The following VGLL4 variants were observed in gnomAD, a reference collection of about 807,000 sequenced individuals.
VGLL4 encodes vestigial like family member 4.
VGLL4 carries 7 observed loss-of-function variants against 21.0 expected under a neutral mutation model. The ratio of observed to expected loss-of-function variants is 0.33; its 90% CI spans 0.19 to 0.63. The LOEUF is 0.63. Among genes scored for constraint, VGLL4 ranks in the 20% least tolerant of loss-of-function variants. VGLL4 has a pLI of 0.78. For missense variants in VGLL4, 394 were observed against 425.7 expected (o/e 0.93, Z 0.66); for synonymous variants, 222 against 173.2 (o/e 1.28, Z -2.21).
chr3:11,689,892 C>A (rs1156386768), intron 2 of VGLL4, among the ~76,000 whole-genome samples: 1 of 152,172 alleles, frequency 6.6e-6, no homozygotes, highest in African/African-American at 2.4e-5. Flanking sequence ...CCTCCAGTGG[C>A]GAAGGACGTT....
chr3:11,602,948 T>C (rs913679261), intron 1 of VGLL4, among the ~76,000 whole-genome samples: 3 of 152,246 alleles, frequency 2.0e-5, no homozygotes, highest in Admixed American at 2.0e-4. Context: ...TCACAAATAA[T>C]AACCCTTTTG....
At chr3:11,573,349 AAGAAAGAAAGAAAGAAAGAAAGAAAG>A (rs2073923240) in intron 2 of VGLL4, among the ~76,000 whole-genome samples, 3 of 100,682 alleles carry the variant, frequency 3.0e-5, no homozygotes. Context: ...GAAAGAAAGA[AAGAAAGAAAGAAAGAAAGAAAGAAAG>A]AAAGAAAGAA....
At position 11,564,986 on chromosome 3, in the gene VGLL4, G is replaced by T. The variant is rs140884716; in HGVS notation, c.306C>A (p.Asp102Glu). Residue 102 changes from aspartate to glutamate, a missense_variant, in exon 3 of 5, where the codon GAC becomes GAA. By Grantham distance (45) the Asp-to-Glu change is conservative. Transcript: ENST00000430365. ...TGGGGCTGCGGCTCCGCTCCCGGGG[G>T]TCTCTGCGGCAGTCTCCATTGGCAG... ...NKTANGDCRR[D>E]PRERSRSPIE... is the part of the protein sequence containing the mutation. 3 of 1,526,908 alleles carry T rather than the reference G, an allele frequency of 2.0e-6. No individual in the cohort carries two copies. The highest frequency in any genetic ancestry group is 1.4e-5 in the African/African-American group (1 of 70,960). 94.6% of individuals were successfully genotyped at this position (1,526,908 alleles called of 1,614,324 possible). A position where few individuals can be genotyped will look rare whatever the true frequency, so the allele number is the denominator to read the frequency against.
chr3:11,684,217 A>C, intron 2 of VGLL4, among the ~76,000 whole-genome samples: 1 of 152,168 alleles, frequency 6.6e-6, no homozygotes, highest in South Asian at 2.1e-4. Context: ...ACAAAGAAAA[A>C]GGAAGGACTT....
In VGLL4 at chr3:11,568,537, A is replaced by G; in HGVS notation, c.273-3518T>C. 6.5e-7 allele frequency: 1 copy of G among 1,546,904 alleles called. No individual in the cohort carries two copies. The highest frequency in any genetic ancestry group is 8.8e-7 in the Non-Finnish European group (1 of 1,142,590). On this transcript the variant is annotated intron_variant, in intron 2 of 4. Transcript: ENST00000430365. The surrounding 1 kb of genome is among the most constrained non-coding windows in gnomAD (Gnocchi z 5.9). The stretch of plus-strand genomic sequence containing the variant: ...TGGGCACTATGGGTCAGACAAAGAC[A>G]CTGAAAACAGCGAGAAAAGGCCTGG...
chr3:11,578,317 T>C (rs542711138), intron 2 of VGLL4, among the ~76,000 whole-genome samples: 1 of 152,274 alleles, frequency 6.6e-6, no homozygotes, highest in South Asian at 2.1e-4. Flanking sequence ...TGCAGGCATA[T>C]GAGAGACAAA....
chr3:11,698,390 T>A (rs2076633659), intron 2 of VGLL4, among the ~76,000 whole-genome samples: 1 of 151,312 alleles, frequency 6.6e-6, no homozygotes, highest in African/African-American at 2.4e-5. Context: ...ACGCCTGTAG[T>A]CCCAGTTACT....
In VGLL4 at chr3:11,565,292, T is replaced by C. The variant is rs531609612; in HGVS notation, c.273-273A>G. On this transcript the variant is annotated intron_variant, in intron 2 of 4. Coordinates refer to ENST00000430365, the MANE Select transcript of VGLL4 (RefSeq NM_001128219.3). This position sits in a 1 kb window ranked among gnomAD's most constrained non-coding sequence, Gnocchi z 4.1. ...GTGGCGTCCTCTGCCTGACTCTGTG[T>C]TCACTTCTATAATAATCTCCACTCC... is the stretch of plus-strand genomic sequence containing the variant. Among the ~76,000 whole-genome samples the C allele has an allele frequency of 1.3e-5, 2 of 152,098 alleles. No homozygotes were observed. The highest frequency in any genetic ancestry group is 4.1e-4 in the South Asian group (2 of 4,820).
chr3:11,565,751 C>G lies in VGLL4; in HGVS notation c.273-732G>C, dbSNP rs757046040. Among the ~76,000 whole-genome samples, 3 of 152,192 alleles carry G rather than the reference C, an allele frequency of 2.0e-5. No homozygotes were observed. Among genetic ancestry groups the G allele is most frequent in the Non-Finnish European group, 4.4e-5 (3 of 68,032 alleles). On this transcript the variant is annotated intron_variant, in intron 2 of 4. Coordinates refer to ENST00000430365, the MANE Select transcript of VGLL4 (RefSeq NM_001128219.3). This position sits in a 1 kb window ranked among gnomAD's most constrained non-coding sequence, Gnocchi z 4.1. ...GCACCCAGGCGATGCCACGTGGAAT[C>G]CAGGTGAGACAGTCAGCACCACCTC... is the stretch of plus-strand genomic sequence containing the variant.
rs534437082 is a variant in VGLL4 at position 11,710,110 on chromosome 3, C to T, written c.-13-7063G>A. 2.0e-5 allele frequency among the ~76,000 whole-genome samples: 3 copies of T among 152,246 alleles called. 1 individual carries two copies. The highest frequency in any genetic ancestry group is 6.5e-5 in the Admixed American group (1 of 15,284). ...CAACAACCAGATCTCCCATGAACTA[C>T]CAGAGAACTCACGCATCACCAAGGG... On this transcript the variant is annotated intron_variant, in intron 1 of 5. Transcript: ENST00000273038.
At chr3:11,610,914 G>A (rs554208932) in intron 1 of VGLL4, among the ~76,000 whole-genome samples, 15 of 152,284 alleles carry the variant, frequency 9.9e-5, no homozygotes, top group South Asian at 6.2e-4. Flanking sequence ...TGAGGGAGGC[G>A]GGGAAGAAGA....
At chr3:11,588,197 G>C (rs1467506495) in intron 2 of VGLL4, among the ~76,000 whole-genome samples, 1 of 152,230 alleles carries the variant, frequency 6.6e-6, no homozygotes. Context: ...CACCTGGTTG[G>C]TGTCAGGCAC....
Position 11,601,930 on chromosome 3 carries a change from G to T in VGLL4, c.175C>A (p.Pro59Thr), listed in dbSNP as rs763090675. 41 of 1,613,524 alleles carry T rather than the reference G, an allele frequency of 2.5e-5. No homozygotes were observed. The highest frequency in any genetic ancestry group is 3.4e-5 in the Non-Finnish European group (40 of 1,179,832). ...SHRTGPPPIS[P>T]SKRKFSMEPG... is the part of the protein sequence containing the mutation. The stretch of plus-strand genomic sequence containing the variant: ...TCCATGCTGAACTTCCTCTTGCTGG[G>T]GCTGATTGGGGGAGGGCCGGTGCGG... Residue 59 changes from proline to threonine, a missense_variant, in exon 2 of 5, where the codon CCC becomes ACC. Transcript: ENST00000430365.
rs115576140 is a variant in VGLL4 at position 11,603,125 on chromosome 3, G to A, written c.83-1103C>T. On this transcript the variant is annotated intron_variant, in intron 1 of 4. Coordinates refer to ENST00000430365, the MANE Select transcript of VGLL4 (RefSeq NM_001128219.3). ...ATTTTCATATCATCACAGATGTGTG[G>A]ACAGTGTTAACAGTCATTTACTTCA... 1.6e-3 allele frequency among the ~76,000 whole-genome samples: 245 copies of A among 152,284 alleles called. 1 individual carries two copies. Among genetic ancestry groups the A allele is most frequent in the African/African-American group, 5.3e-3 (222 of 41,540 alleles).
At chr3:11,598,548 G>A (rs1486843726) in intron 2 of VGLL4, among the ~76,000 whole-genome samples, 1 of 151,884 alleles carries the variant, frequency 6.6e-6, no homozygotes, top group Non-Finnish European at 1.5e-5. Context: ...GGAGTGCAGT[G>A]GTGTGATCAC....
intron 2 of VGLL4, among the ~76,000 whole-genome samples, chr3:11,689,287 G>C (rs1185585978): frequency 2.0e-5 from 3 of 152,076 alleles, no homozygotes; most frequent in Admixed American, 2.0e-4. Context: ...TGCATGTTAA[G>C]ACTCTGGGGT....
At chr3:11,663,271 A>G (rs9310390) in intron 2 of VGLL4, among the ~76,000 whole-genome samples, 7,318 of 152,248 alleles carry the variant, frequency 0.048, 568 homozygotes, top group African/African-American at 0.16. Flanking sequence ...CCTTTTTAGC[A>G]GGGCCGGGGA....
At chr3:11,603,993 C>T (rs575453235) in intron 1 of VGLL4, among the ~76,000 whole-genome samples, 2 of 152,330 alleles carry the variant, frequency 1.3e-5, no homozygotes, top group East Asian at 3.9e-4. Context: ...TTAAGTTCAT[C>T]CAACGGATGC....
intron 2 of VGLL4, among the ~76,000 whole-genome samples, chr3:11,650,294 G>C (rs2075852130): frequency 6.6e-6 from 1 of 152,132 alleles, no homozygotes. Flanking sequence ...TGGAATAATG[G>C]CAATATGACG....
Sources: allele counts gnomAD v4.1 joint callset (sites outside exome capture counted in the v4.1 genomes callset), GRCh38; gene constraint gnomAD v4.1.1; non-coding constraint Gnocchi (gnomAD v3.1); transcripts MANE v1.5; gene names NCBI Gene and HGNC (gene_info 2026-07-23, HGNC 2026-07-21).